UBTD2: variants seen among roughly 807,000 people sequenced by gnomAD.
UBTD2 encodes the protein ubiquitin domain containing 2.
Under a neutral mutation model 19.8 loss-of-function variants are expected in UBTD2, and 9 were observed. That is an observed-to-expected ratio of 0.46 (90% CI 0.27 to 0.79). The LOEUF (loss-of-function observed/expected upper bound fraction) is 0.79. UBTD2 is among the 30% of genes least tolerant of loss of function. The pLI, the probability that UBTD2 is intolerant of heterozygous loss-of-function variation, is 0.14. For synonymous variants in UBTD2, 98 were observed against 103.9 expected, an observed-to-expected ratio of 0.94 and a Z score of 0.35; for missense variants, 250 against 300.4, an observed-to-expected ratio of 0.83 and a Z score of 1.24.
Position 172,283,475 on chromosome 5 carries a change from C to A in UBTD2, c.70+121G>T. ...GCCGGAAGCGGAGCGCGGGGAATGACGTGGAAGAGGGGATGACAAAGGGGC... is the reference window on the plus strand; with the variant it reads ...GCCGGAAGCGGAGCGCGGGGAATGAAGTGGAAGAGGGGATGACAAAGGGGC... On this transcript the variant is annotated intron_variant, in intron 1 of 2. Transcript: ENST00000393792. The surrounding 1 kb of genome is among the most constrained non-coding windows in gnomAD (Gnocchi z 4.3). 1.4e-6 allele frequency: 1 copy of A among 720,126 alleles called. No homozygotes were observed. The highest frequency in any genetic ancestry group is 1.9e-5 in the African/African-American group (1 of 53,754). The allele number at this position is 720,126 out of a possible 1,614,324, so 44.6% of individuals were successfully genotyped here. A position where few individuals can be genotyped will look rare whatever the true frequency, so the allele number is the denominator to read the frequency against.
intron 1 of UBTD2, among the ~76,000 whole-genome samples, chr5:172,275,765 A>G (rs1428731190): frequency 6.6e-6 from 1 of 152,224 alleles, no homozygotes; most frequent in Non-Finnish European, 1.5e-5. Context: ...TGGTGACTCC[A>G]CTTAGACATT....
chr5:172,232,508 GA>G (rs1771922565), intron 2 of UBTD2, among the ~76,000 whole-genome samples: 2 of 152,118 alleles, frequency 1.3e-5, no homozygotes, highest in South Asian at 4.1e-4. Flanking sequence ...ATGTTTCTTG[GA>G]AGCACAATTA....
intron 2 of UBTD2, among the ~76,000 whole-genome samples, chr5:172,217,733 T>A (rs1438985867): frequency 6.6e-6 from 1 of 152,098 alleles, no homozygotes; most frequent in Non-Finnish European, 1.5e-5. Context: ...GGGCAAATGA[T>A]CCGCCTACCT....
At chr5:172,231,774 A>C (rs1771905590) in intron 2 of UBTD2, among the ~76,000 whole-genome samples, 1 of 152,204 alleles carries the variant, frequency 6.6e-6, no homozygotes, top group Non-Finnish European at 1.5e-5. Flanking sequence ...AAAACAGAGG[A>C]TATGGACATC....
At chr5:172,279,630 C>G (rs926255094) in intron 1 of UBTD2, among the ~76,000 whole-genome samples, 63 of 152,178 alleles carry the variant, frequency 4.1e-4, no homozygotes, top group Non-Finnish European at 1.5e-4. Flanking sequence ...TTGTACATCA[C>G]TATACTTTCA....
At chr5:172,261,989 A>G (rs1755279124) in intron 1 of UBTD2, among the ~76,000 whole-genome samples, 1 of 152,192 alleles carries the variant, frequency 6.6e-6, no homozygotes, top group Admixed American at 6.5e-5. Context: ...ATCTGTGGAG[A>G]GAATACTGAA....
chr5:172,217,285 G>C (rs1771562370), intron 2 of UBTD2, among the ~76,000 whole-genome samples: 1 of 151,760 alleles, frequency 6.6e-6, no homozygotes, highest in Admixed American at 6.6e-5. Flanking sequence ...CAGGCATGGT[G>C]GTGGGTGCTT....
At chr5:172,245,578 G>A (rs973437075) in intron 1 of UBTD2, among the ~76,000 whole-genome samples, 1 of 152,116 alleles carries the variant, frequency 6.6e-6, no homozygotes, top group Non-Finnish European at 1.5e-5. Flanking sequence ...CCCACGTGGT[G>A]GCGCATGCCT....
intron 1 of UBTD2, among the ~76,000 whole-genome samples, chr5:172,260,543 A>G (rs1400560007): frequency 6.6e-6 from 1 of 152,214 alleles, no homozygotes; most frequent in Admixed American, 6.5e-5. Flanking sequence ...CAAATTTAGT[A>G]TTAAAATATA....
chr5:172,222,860 T>C (rs1561850521), intron 2 of UBTD2, among the ~76,000 whole-genome samples: 1 of 152,220 alleles, frequency 6.6e-6, no homozygotes, highest in African/African-American at 2.4e-5. Flanking sequence ...CAGAGGTGGC[T>C]AAAACAGGTA....
At chr5:172,229,396 G>A (rs1451958114) in intron 2 of UBTD2, among the ~76,000 whole-genome samples, 1 of 151,634 alleles carries the variant, frequency 6.6e-6, no homozygotes, top group Admixed American at 6.6e-5. Flanking sequence ...AGCTACTTGG[G>A]AGGCTGAGGC....
At chr5:172,277,398 C>T (rs535054505) in intron 1 of UBTD2, among the ~76,000 whole-genome samples, 1 of 152,024 alleles carries the variant, frequency 6.6e-6, no homozygotes, top group South Asian at 2.1e-4. Flanking sequence ...ATAGATAAAT[C>T]GGACATCATT....
chr5:172,236,913 A>C (rs1248442527), intron 1 of UBTD2, among the ~76,000 whole-genome samples: 1 of 152,194 alleles, frequency 6.6e-6, no homozygotes, highest in African/African-American at 2.4e-5. Flanking sequence ...AAACAATCAT[A>C]ATAAGGGTAC....
chr5:172,247,486 T>C (rs1481071060), intron 1 of UBTD2, among the ~76,000 whole-genome samples: 3 of 152,214 alleles, frequency 2.0e-5, no homozygotes, highest in Admixed American at 2.0e-4. Context: ...CACTCCAACC[T>C]GAGCAACACT....
intron 1 of UBTD2, among the ~76,000 whole-genome samples, chr5:172,277,366 G>A (rs747485492): frequency 8.6e-5 from 13 of 152,002 alleles, no homozygotes; most frequent in Non-Finnish European, 1.9e-4. Context: ...GAAACTAGAA[G>A]CACAAGCAAC....
At chr5:172,255,958 G>A (rs535145992) in intron 1 of UBTD2, among the ~76,000 whole-genome samples, 35 of 152,012 alleles carry the variant, frequency 2.3e-4, no homozygotes, top group African/African-American at 8.0e-4. Context: ...GCGTGGTGGC[G>A]GATACCTGTA....
rs1202327763 is a variant in UBTD2, at chr5:172,210,345, G to A, written c.*1485C>T. ...CACTTCACATCCAAACAGGTGTGGA[G>A]GGCTGACATTTTCCAACTGAGAACA... On this transcript the variant is annotated 3_prime_UTR_variant, in exon 3 of 3. Coordinates refer to ENST00000393792, the MANE Select transcript of UBTD2 (RefSeq NM_152277.3). The A allele has an allele frequency of 6.6e-6, 1 of 152,134 alleles. No homozygotes were observed. The highest frequency in any genetic ancestry group is 1.5e-5 in the Non-Finnish European group (1 of 68,030). 9.4% of individuals were successfully genotyped at this position (152,134 alleles called of 1,614,324 possible).
At chr5:172,216,020 C>T (rs545823869) in intron 2 of UBTD2, among the ~76,000 whole-genome samples, 4 of 151,968 alleles carry the variant, frequency 2.6e-5, no homozygotes, top group South Asian at 2.1e-4. Context: ...AAAAATTAGC[C>T]GAGCGTGGTG....
chr5:172,283,726 C>CGCT lies in UBTD2; in HGVS notation c.-64_-62dup, dbSNP rs1215882840. 3 of 1,113,448 alleles carry CGCT rather than the reference C, an allele frequency of 2.7e-6. No individual in the cohort carries two copies. The highest frequency in any genetic ancestry group is 3.4e-6 in the Non-Finnish European group (3 of 893,906). The allele number at this position is 1,113,448 out of a possible 1,614,324, so 69.0% of individuals were successfully genotyped here. A position where few individuals can be genotyped will look rare whatever the true frequency, so the allele number is the denominator to read the frequency against. On this transcript the variant is annotated 5_prime_UTR_variant, in exon 1 of 3. Transcript: ENST00000393792. The surrounding 1 kb of genome is among the most constrained non-coding windows in gnomAD (Gnocchi z 4.3). ...GCTCGTCCGGGCCCGCCGCCGCCGC[C>CGCT]GCTGCAGCCTCCTCCGGCGCCACCG...
Sources: gnomAD v4.1 joint callset for allele counts (sites outside exome capture counted in the v4.1 genomes callset) on GRCh38, gnomAD v4.1.1 for gene constraint, Gnocchi (gnomAD v3.1) non-coding constraint, MANE v1.5 for transcripts, NCBI Gene and HGNC (gene_info 2026-07-23, HGNC 2026-07-21) for gene names.